Variants in SGSM2 observed in about 807,000 individuals in gnomAD.
SGSM2 encodes the protein RUN and TBC1 domain containing 1.
A neutral mutation model predicts 126.6 loss-of-function variants in SGSM2; 89 were observed. The observed-to-expected ratio is 0.70, with a 90% confidence interval of 0.59 to 0.84. The LOEUF is 0.84. Among genes scored for constraint, SGSM2 ranks in the 40% least tolerant of loss-of-function variants. SGSM2 has a pLI of 0.00. For missense variants in SGSM2, 1,404 were observed against 1,416.6 expected (o/e 0.99, Z 0.14); for synonymous variants, 614 against 574.3 (o/e 1.07, Z -0.99).
At chr17:2,364,212 G>A (rs760365259) in intron 8 of SGSM2, 29 bp downstream of exon 8, 1 of 1,612,770 alleles carries the variant, frequency 6.2e-7, no homozygotes. Flanking sequence ...AATCCCAGGA[G>A]CCAGGGCAGG....
chr17:2,355,000 C>A (rs1404407801), intron 2 of SGSM2, among the ~76,000 whole-genome samples: 1 of 117,094 alleles, frequency 8.5e-6, no homozygotes, highest in Non-Finnish European at 1.7e-5. Flanking sequence ...GGGGAAGGGA[C>A]CCCATATCTT....
chr17:2,340,994 G>A (rs1000966649), intron 1 of SGSM2, among the ~76,000 whole-genome samples: 3 of 152,194 alleles, frequency 2.0e-5, no homozygotes, highest in South Asian at 2.1e-4. Flanking sequence ...AATTCTAGGG[G>A]TATCTGCAGA....
In SGSM2 at chr17:2,362,091, C is replaced by G; in HGVS notation, c.297-18C>G. On this transcript the variant is annotated intron_variant, in intron 3 of 23. Transcript: ENST00000268989. This position sits in a 1 kb window ranked among gnomAD's most constrained non-coding sequence, Gnocchi z 4.9. Reference sequence around the variant, plus strand: ...CCCCTAGACCACTGCACTCCTGGAGCCCTCCCCGCCTTTGCAGGAAACCCT... The same window carrying G: ...CCCCTAGACCACTGCACTCCTGGAGGCCTCCCCGCCTTTGCAGGAAACCCT... 1 of 1,603,980 alleles carries G rather than the reference C, an allele frequency of 6.2e-7. No individual in the cohort carries two copies. The highest frequency in any genetic ancestry group is 2.2e-5 in the East Asian group (1 of 44,836).
intron 1 of SGSM2, among the ~76,000 whole-genome samples, chr17:2,339,723 A>T (rs1047093087): frequency 1.8e-4 from 28 of 151,978 alleles, no homozygotes; most frequent in Non-Finnish European, 1.3e-4. Context: ...AAAAAAAAAA[A>T]AAAGTCCCGG....
At chr17:2,338,060 G>T (rs2064163867) in intron 1 of SGSM2, among the ~76,000 whole-genome samples, 1 of 152,074 alleles carries the variant, frequency 6.6e-6, no homozygotes, top group Non-Finnish European at 1.5e-5. Context: ...GGCTGGATCC[G>T]GAGCTGCCCA....
chr17:2,362,743 A>C lies in SGSM2; in HGVS notation c.459-95A>C. ...CACTGTTTCTTGATGACTGATCTGA[A>C]TCTGGTCTTTGTGGGGATGTCCCTA... On this transcript the variant is annotated intron_variant, in intron 4 of 23. Transcript: ENST00000268989. The surrounding 1 kb of genome is among the most constrained non-coding windows in gnomAD (Gnocchi z 4.9). 1 of 1,235,472 alleles carries C rather than the reference A, an allele frequency of 8.1e-7. No homozygotes were observed. Among genetic ancestry groups the C allele is most frequent in the Non-Finnish European group, 1.2e-6 (1 of 851,918 alleles). The allele number at this position is 1,235,472 out of a possible 1,614,324, so 76.5% of individuals were successfully genotyped here. A position where few individuals can be genotyped will look rare whatever the true frequency, so the allele number is the denominator to read the frequency against.
At chr17:2,359,050 T>G (rs2065202898) in intron 2 of SGSM2, among the ~76,000 whole-genome samples, 1 of 151,982 alleles carries the variant, frequency 6.6e-6, no homozygotes, top group African/African-American at 2.4e-5. Context: ...GCTAATTTTT[T>G]GTATTTTTAG....
chr17:2,348,744 C>T (rs2064714382), intron 2 of SGSM2, among the ~76,000 whole-genome samples: 1 of 152,064 alleles, frequency 6.6e-6, no homozygotes, highest in Admixed American at 6.6e-5. Context: ...CAATCGCATT[C>T]TACTTTGGTT....
rs545970957 is a variant in SGSM2, at chr17:2,362,457, G to A, written c.458+187G>A. ...CCCAAAAACTGCAGGTGACCGCCCC[G>A]TTCCCCAAAAACTGCAGGTGACCGC... On this transcript the variant is annotated intron_variant, in intron 4 of 23. Coordinates refer to ENST00000268989, the MANE Select transcript of SGSM2 (RefSeq NM_014853.3). The surrounding 1 kb of genome is among the most constrained non-coding windows in gnomAD (Gnocchi z 4.9). Among the ~76,000 whole-genome samples, 973 of 134,290 alleles carry A rather than the reference G, an allele frequency of 7.2e-3. 34 individuals are homozygous for A. Among genetic ancestry groups the A allele is most frequent in the Middle Eastern group, 0.012 (3 of 244 alleles). The allele number at this position is 134,290 out of a possible 152,430, so 88.1% of individuals were successfully genotyped here. A position where few individuals can be genotyped will look rare whatever the true frequency, so the allele number is the denominator to read the frequency against.
At chr17:2,343,190 TG>T (rs926404449) in intron 1 of SGSM2, among the ~76,000 whole-genome samples, 1 of 151,632 alleles carries the variant, frequency 6.6e-6, no homozygotes, top group African/African-American at 2.4e-5. Context: ...TGTACCGAGA[TG>T]GTTTGTCTCT....
Position 2,362,986 on chromosome 17 carries a change from C to T in SGSM2, c.527-3C>T, listed in dbSNP as rs2065386384. 3.1e-6 allele frequency: 5 copies of T among 1,614,076 alleles called. No individual in the cohort carries two copies. The highest frequency in any genetic ancestry group is 4.2e-6 in the Non-Finnish European group (5 of 1,180,046). ...TCTGGGCTGGCTGTCTCTGTCTCCA[C>T]AGTGGGACCCTGTGCCTTGGAATAC... is the stretch of plus-strand genomic sequence containing the variant. On this transcript the variant is annotated splice_polypyrimidine_tract_variant and splice_region_variant and intron_variant, in intron 5 of 23. Coordinates refer to ENST00000268989, the MANE Select transcript of SGSM2 (RefSeq NM_014853.3). This position sits in a 1 kb window ranked among gnomAD's most constrained non-coding sequence, Gnocchi z 4.9.
Position 2,365,192 on chromosome 17 carries a change from ACCACCTACC to A in SGSM2, c.1162-20_1162-12del, listed in dbSNP as rs781590441. The stretch of plus-strand genomic sequence containing the variant: ...ATGAGACTCTGCCCTATACAGCCCG[ACCACCTACC>A]CCTCCTTCCACAGGGGAAAGTGTTC... On this transcript the variant is annotated splice_polypyrimidine_tract_variant and intron_variant, in intron 10 of 23. Transcript: ENST00000268989. The A allele has an allele frequency of 6.2e-7, 1 of 1,602,090 alleles. No homozygotes were observed. The highest frequency in any genetic ancestry group is 1.1e-5 in the South Asian group (1 of 89,364).
intron 11 of SGSM2, among the ~76,000 whole-genome samples, chr17:2,366,102 C>T (rs780950553): frequency 5.3e-5 from 8 of 152,186 alleles, no homozygotes; most frequent in African/African-American, 1.2e-4. Context: ...CAGAGCCCTC[C>T]TCAAACCAAC....
chr17:2,378,363 G>A (rs2066274430), intron 22 of SGSM2, among the ~76,000 whole-genome samples: 1 of 152,148 alleles, frequency 6.6e-6, no homozygotes, highest in Non-Finnish European at 1.5e-5. Flanking sequence ...ATCACTTGAG[G>A]TCAGGGGTTT....
chr17:2,379,427 C>T lies in SGSM2; in HGVS notation c.3068-5C>T, dbSNP rs117058220. 6.2e-6 allele frequency: 10 copies of T among 1,611,876 alleles called. No homozygotes were observed. The East Asian group carries it at 8.9e-5, about 14-fold the overall frequency. The stretch of plus-strand genomic sequence containing the variant: ...CTCTCTACAGCTCTTCACGTTTCCC[C>T]CCAGAACGTGCTGAGCATCACGATG... On this transcript the variant is annotated splice_region_variant and splice_polypyrimidine_tract_variant and intron_variant, in intron 23 of 23. Coordinates refer to ENST00000268989, the MANE Select transcript of SGSM2 (RefSeq NM_014853.3).
At chr17:2,338,492 A>C (rs1437080762) in intron 1 of SGSM2, among the ~76,000 whole-genome samples, 3 of 151,884 alleles carry the variant, frequency 2.0e-5, no homozygotes, top group African/African-American at 7.3e-5. Flanking sequence ...AGAGCTGGAG[A>C]GCTCCAACCC....
rs150275541 is a variant in SGSM2 at position 2,362,117 on chromosome 17, C to T, written c.305C>T (p.Ser102Leu). 6.2e-6 allele frequency: 10 copies of T among 1,612,108 alleles called. No individual in the cohort carries two copies. In the East Asian group the frequency reaches 1.3e-4, roughly 22 times the overall value. The change falls in exon 4 of 24, where the codon TCA (serine) becomes TTA (leucine). Residue 102 changes from serine to leucine, a missense_variant. Ser to Leu is a moderately radical substitution (Grantham distance 145, BLOSUM62 -2). Coordinates refer to ENST00000268989, the MANE Select transcript of SGSM2 (RefSeq NM_014853.3). This position sits in a 1 kb window ranked among gnomAD's most constrained non-coding sequence, Gnocchi z 4.9. ...LQQQAEGRKP[S>L]GVSQEALRRQ... ...CCTCCCCGCCTTTGCAGGAAACCCTCAGGGGTCAGCCAGGAGGCCCTGCGG... is the reference window on the plus strand; with the variant it reads ...CCTCCCCGCCTTTGCAGGAAACCCTTAGGGGTCAGCCAGGAGGCCCTGCGG...
chr17:2,365,283 G>A lies in SGSM2; in HGVS notation c.1230G>A (p.Thr410=), dbSNP rs140919272. ...CCGTGGATATGGAGGAGATGGGCAC[G>A]GGGCGGGCCACCGACTATGTGTTCC... ...IRSVDMEEMG[T]GRATDYVFRI... Residue 410 remains threonine, a synonymous_variant, in exon 11 of 24, where the codon ACG becomes ACA. Transcript: ENST00000268989. 6 of 1,598,574 alleles carry A rather than the reference G, an allele frequency of 3.8e-6. No homozygotes were observed. Among genetic ancestry groups the A allele is most frequent in the Admixed American group, 3.5e-5 (2 of 57,654 alleles).
At chr17:2,349,970 G>A (rs1179268410) in intron 2 of SGSM2, among the ~76,000 whole-genome samples, 2 of 151,948 alleles carry the variant, frequency 1.3e-5, no homozygotes, top group Non-Finnish European at 2.9e-5. Flanking sequence ...TGTATTTTTA[G>A]TAGACATGGG....
Sources: gnomAD v4.1 joint callset for allele counts (sites outside exome capture counted in the v4.1 genomes callset) on GRCh38, gnomAD v4.1.1 for gene constraint, Gnocchi (gnomAD v3.1) non-coding constraint, MANE v1.5 for transcripts, NCBI Gene and HGNC (gene_info 2026-07-23, HGNC 2026-07-21) for gene names.